Variants in CPVL observed in about 807,000 individuals in gnomAD.
The protein encoded by CPVL is probable serine carboxypeptidase CPVL.
CPVL carries 51 observed loss-of-function variants against 63.7 expected under a neutral mutation model. The ratio of observed to expected loss-of-function variants is 0.80; its 90% CI spans 0.64 to 1.01. The LOEUF (loss-of-function observed/expected upper bound fraction) is 1.01. Among genes scored for constraint, CPVL ranks in the 50% least tolerant of loss-of-function variants. CPVL has a pLI of 0.00. For synonymous variants in CPVL, 195 were observed against 206.0 expected, an observed-to-expected ratio of 0.95 and a Z score of 0.46; for missense variants, 530 against 573.1, an observed-to-expected ratio of 0.92 and a Z score of 0.77.
intron 12 of CPVL, among the ~76,000 whole-genome samples, chr7:29,029,507 T>C (rs1037488815): frequency 6.6e-6 from 1 of 152,156 alleles, no homozygotes; most frequent in Non-Finnish European, 1.5e-5. Context: ...TGCAGTGACA[T>C]GGATGGAACT....
chr7:29,101,851 GTTTT>G (rs989212420), intron 3 of CPVL, among the ~76,000 whole-genome samples: 1 of 150,988 alleles, frequency 6.6e-6, no homozygotes, highest in African/African-American at 2.4e-5. Flanking sequence ...ACATACACAC[GTTTT>G]TTTTCCAAAA....
chr7:29,067,882 A>G (rs912695628), intron 9 of CPVL, among the ~76,000 whole-genome samples: 3 of 152,140 alleles, frequency 2.0e-5, no homozygotes, highest in Admixed American at 6.6e-5. Flanking sequence ...ACGACTCCTG[A>G]GCCTGCACAC....
intron 5 of CPVL, among the ~76,000 whole-genome samples, chr7:29,175,551 A>C (rs1242398268): frequency 2.0e-5 from 3 of 152,050 alleles, no homozygotes; most frequent in Non-Finnish European, 2.9e-5. Context: ...CATGTAAGAC[A>C]TTCCTTGCTC....
intron 5 of CPVL, among the ~76,000 whole-genome samples, chr7:29,164,917 TATG>T (rs1795712683): frequency 1.3e-5 from 2 of 152,186 alleles, no homozygotes; most frequent in African/African-American, 4.8e-5. Flanking sequence ...TATCTATCAT[TATG>T]ATAATACCAC....
chr7:28,998,914 A>C (rs898095722), intron 12 of CPVL, among the ~76,000 whole-genome samples: 3 of 152,150 alleles, frequency 2.0e-5, no homozygotes, highest in African/African-American at 7.2e-5. Flanking sequence ...TGTTTAAAAC[A>C]ATGGTTCTTG....
intron 12 of CPVL, among the ~76,000 whole-genome samples, chr7:29,017,916 C>T (rs1027924583): frequency 6.6e-6 from 1 of 152,220 alleles, no homozygotes. Flanking sequence ...TAGGATACTT[C>T]AGGGAAGTCA....
intron 2 of CPVL, among the ~76,000 whole-genome samples, chr7:29,117,140 C>A (rs1788852445): frequency 6.6e-6 from 1 of 152,168 alleles, no homozygotes. Context: ...TGTAACATAA[C>A]TTCAGGAAGT....
chr7:29,091,458 CAA>C (rs1785776878), intron 6 of CPVL, among the ~76,000 whole-genome samples: 1 of 152,078 alleles, frequency 6.6e-6, no homozygotes, highest in Non-Finnish European at 1.5e-5. Flanking sequence ...CACACAGTGC[CAA>C]GAGAGCCCTG....
At chr7:29,093,326 G>A (rs1380166144) in intron 5 of CPVL, among the ~76,000 whole-genome samples, 1 of 141,110 alleles carries the variant, frequency 7.1e-6, no homozygotes, top group African/African-American at 2.7e-5. Flanking sequence ...GCAGTGAGCT[G>A]AGATCATGCC....
At chr7:29,003,672 T>C (rs890926746) in intron 12 of CPVL, among the ~76,000 whole-genome samples, 2 of 152,118 alleles carry the variant, frequency 1.3e-5, no homozygotes, top group African/African-American at 4.8e-5. Context: ...TGAGTTAAAG[T>C]GTTGTAAGGC....
intron 1 of CPVL, among the ~76,000 whole-genome samples, chr7:29,144,547 C>T (rs1792242731): frequency 1.3e-5 from 2 of 152,198 alleles, no homozygotes; most frequent in Admixed American, 6.5e-5. Flanking sequence ...CAAAGTGAGA[C>T]TCTTGTCTCA....
At chr7:29,188,947 C>G (rs1323039292) in intron 1 of CPVL, among the ~76,000 whole-genome samples, 1 of 130,982 alleles carries the variant, frequency 7.6e-6, no homozygotes, top group Non-Finnish European at 1.7e-5. Context: ...TTTCCTCATA[C>G]CTTTTTTTTT....
chr7:29,066,604 G>A (rs1248840507), intron 9 of CPVL, among the ~76,000 whole-genome samples: 1 of 152,196 alleles, frequency 6.6e-6, no homozygotes. Flanking sequence ...TCCAGGCAGA[G>A]GACACAGTAA....
intron 12 of CPVL, among the ~76,000 whole-genome samples, chr7:29,026,543 T>TA (rs1299602194): frequency 2.0e-5 from 3 of 151,176 alleles, no homozygotes; most frequent in Admixed American, 2.0e-4. Context: ...ATCAATGAAA[T>TA]AAAAAAGCCT....
rs1198048256 is a variant in CPVL, at chr7:29,146,429, G to A, written c.-11C>T. On this transcript the variant is annotated splice_region_variant and 5_prime_UTR_variant, in exon 1 of 13. Transcript: ENST00000265394. Reference sequence around the variant, plus strand: ...CCCACGCAGGGCAGGCGGCACTTACGCGGCGCAGTCGGTGCTCCTCCCTGA... The same window carrying A: ...CCCACGCAGGGCAGGCGGCACTTACACGGCGCAGTCGGTGCTCCTCCCTGA... The A allele has an allele frequency of 2.6e-6, 3 of 1,169,426 alleles. No individual in the cohort carries two copies. Among genetic ancestry groups the A allele is most frequent in the Non-Finnish European group, 2.3e-6 (2 of 860,560 alleles). 72.4% of individuals were successfully genotyped at this position (1,169,426 alleles called of 1,614,324 possible).
intron 1 of CPVL, among the ~76,000 whole-genome samples, chr7:29,125,788 T>A (rs192016322): frequency 6.6e-6 from 1 of 152,236 alleles, no homozygotes; most frequent in African/African-American, 2.4e-5. Context: ...ATCCCTTTTA[T>A]GGATTGTTAA....
chr7:29,022,077 C>A (rs1251720747), intron 12 of CPVL, among the ~76,000 whole-genome samples: 1 of 152,084 alleles, frequency 6.6e-6, no homozygotes, highest in East Asian at 1.9e-4. Flanking sequence ...GGGGCTGTTG[C>A]CACTGACAGC....
At chr7:29,046,899 A>C (rs1377994527) in intron 11 of CPVL, among the ~76,000 whole-genome samples, 1 of 152,198 alleles carries the variant, frequency 6.6e-6, no homozygotes, top group Non-Finnish European at 1.5e-5. Context: ...TCAGTGTATG[A>C]GAGTGCATTC....
At chr7:29,139,278 T>A (rs1014849987) in intron 1 of CPVL, among the ~76,000 whole-genome samples, 1 of 152,222 alleles carries the variant, frequency 6.6e-6, no homozygotes, top group Non-Finnish European at 1.5e-5. Flanking sequence ...GGACTTCAGT[T>A]CCTTCATTTG....
Sources: gnomAD v4.1 joint callset for allele counts (sites outside exome capture counted in the v4.1 genomes callset) on GRCh38, gnomAD v4.1.1 for gene constraint, MANE v1.5 for transcripts, NCBI Gene and HGNC (gene_info 2026-07-23, HGNC 2026-07-21) for gene names.